Variants in NFS1 observed in about 807,000 individuals in gnomAD.
NFS1 encodes the protein NFS1 cysteine desulfurase.
NFS1 carries 26 observed loss-of-function variants against 57.3 expected under a neutral mutation model. The ratio of observed to expected loss-of-function variants is 0.45; its 90% CI spans 0.33 to 0.63. The LOEUF (loss-of-function observed/expected upper bound fraction) is 0.63, where lower values mean the gene tolerates loss of function less well. Among genes scored for constraint, NFS1 ranks in the 20% least tolerant of loss-of-function variants. NFS1 has a pLI of 0.02. For synonymous variants in NFS1, 209 were observed against 216.3 expected, an observed-to-expected ratio of 0.97 and a Z score of 0.30; for missense variants, 505 against 605.8, an observed-to-expected ratio of 0.83 and a Z score of 1.75.
At position 35,699,309 on chromosome 20, in the gene NFS1, C is replaced by G; in HGVS notation, c.-21G>C. ...AGCATGGTCCCGCTGGCAGAGCCCA[C>G]CTTCCGAAGCCGCTGCAGTCCTGGG... On this transcript the variant is annotated 5_prime_UTR_variant, in exon 1 of 13. Coordinates refer to ENST00000374092, the MANE Select transcript of NFS1 (RefSeq NM_021100.5). This position sits in a 1 kb window ranked among gnomAD's most constrained non-coding sequence, Gnocchi z 4.4. 1 of 1,396,926 alleles carries G rather than the reference C, an allele frequency of 7.2e-7. No individual in the cohort carries two copies. Among genetic ancestry groups the G allele is most frequent in the South Asian group, 1.5e-5 (1 of 64,578 alleles). 86.5% of individuals were successfully genotyped at this position (1,396,926 alleles called of 1,614,324 possible). A position where few individuals can be genotyped will look rare whatever the true frequency, so the allele number is the denominator to read the frequency against.
chr20:35,674,625 G>T lies in NFS1; in HGVS notation c.949-8C>A. On this transcript the variant is annotated splice_polypyrimidine_tract_variant and splice_region_variant and intron_variant, in intron 8 of 12. Transcript: ENST00000374092. ...GATTCGCTTGTGGTCATACTAAGGAGCAGGCAAGGAAGGATTAGGCAGTAA... is the reference window on the plus strand; with the variant it reads ...GATTCGCTTGTGGTCATACTAAGGATCAGGCAAGGAAGGATTAGGCAGTAA... 1 of 1,608,328 alleles carries T rather than the reference G, an allele frequency of 6.2e-7. No homozygotes were observed. Among genetic ancestry groups the T allele is most frequent in the Non-Finnish European group, 8.5e-7 (1 of 1,174,688 alleles).
intron 10 of NFS1, chr20:35,674,017 G>A (rs1047626409): frequency 4.4e-6 from 2 of 451,326 alleles, no homozygotes; most frequent in African/African-American, 2.0e-5. Context: ...ATCTGCACCA[G>A]CCTGAAGGGC....
chr20:35,698,587 C>G lies in NFS1; in HGVS notation c.101G>C (p.Gly34Ala). ...APTRGLRLRV[G>A]DRAPQSAVPA... ...AACCGCAGACTGAGGAGCACGGTCTCCAACTGATAAAAAATGGAACGGAGT... is the reference window on the plus strand; with the variant it reads ...AACCGCAGACTGAGGAGCACGGTCTGCAACTGATAAAAAATGGAACGGAGT... Residue 34 changes from glycine (G) to alanine (A), a missense_variant, in exon 2 of 13, where the codon GGA becomes GCA. Transcript: ENST00000374092. The G allele has an allele frequency of 6.3e-7, 1 of 1,598,172 alleles. No individual in the cohort carries two copies. The highest frequency in any genetic ancestry group is 8.5e-7 in the Non-Finnish European group (1 of 1,175,500).
chr20:35,697,936 C>G, intron 2 of NFS1, 136 bp from the exon 3 acceptor site: 1 of 585,444 alleles, frequency 1.7e-6, no homozygotes, highest in South Asian at 2.3e-5. Context: ...CTCAAACATT[C>G]TTTTGTTCCC....
At chr20:35,692,361 G>T in intron 4 of NFS1, 1 of 210,710 alleles carries the variant, frequency 4.7e-6, no homozygotes, top group Non-Finnish European at 9.7e-6. Flanking sequence ...GCGACAGGGT[G>T]AGACTCCATC....
Position 35,696,394 on chromosome 20 carries a change from T to C in NFS1, c.391A>G (p.Asn131Asp). ...TCTCTTACCTTAATTGCTATGTTGT[T>C]GGATTCAGTAGCACCACTAGTAAAA... ...IIFTSGATES[N>D]NIAIKGVARF... The change falls in exon 4 of 13, where the codon AAC becomes GAC. Residue 131 changes from asparagine (N) to aspartate (D), a missense_variant. Asn to Asp is a conservative substitution (Grantham distance 23). Transcript: ENST00000374092. 5 of 1,613,464 alleles carry C rather than the reference T, an allele frequency of 3.1e-6. No homozygotes were observed. Among genetic ancestry groups the C allele is most frequent in the Non-Finnish European group, 4.2e-6 (5 of 1,179,386 alleles).
At chr20:35,678,524 G>A (rs1267221177) in intron 7 of NFS1, among the ~76,000 whole-genome samples, 3 of 124,908 alleles carry the variant, frequency 2.4e-5, no homozygotes, top group African/African-American at 9.2e-5. Flanking sequence ...GCGAGACTTT[G>A]TCTCAAAAAA....
At chr20:35,689,555 T>A (rs1057288566) in intron 5 of NFS1, among the ~76,000 whole-genome samples, 2 of 151,556 alleles carry the variant, frequency 1.3e-5, no homozygotes, top group African/African-American at 2.4e-5. Flanking sequence ...GATCACGAGG[T>A]CAGGAGATAG....
intron 4 of NFS1, among the ~76,000 whole-genome samples, chr20:35,691,738 C>CAAAAAAAAAA (rs60402350): frequency 1.1e-4 from 2 of 18,150 alleles, no homozygotes; most frequent in African/African-American, 2.8e-4. Flanking sequence ...GACTGCATCT[C>CAAAAAAAAAA]AAAAAAAAAA....
At chr20:35,675,445 T>C (rs1043875354) in intron 7 of NFS1, 1 of 560,686 alleles carries the variant, frequency 1.8e-6, no homozygotes, top group African/African-American at 1.9e-5. Flanking sequence ...TAGCTCCCTA[T>C]GCTATATGAA....
chr20:35,678,720 G>A (rs561939979), intron 7 of NFS1, among the ~76,000 whole-genome samples: 2 of 151,498 alleles, frequency 1.3e-5, no homozygotes, highest in African/African-American at 2.4e-5. Flanking sequence ...AAAATTAGGC[G>A]TGTTGGTGCA....
rs188602136 is a variant in NFS1 at position 35,682,129 on chromosome 20, G to A, written c.562-148C>T. ...AAAACAGTGACAACACAAAATGTTG[G>A]TGAGGATGCACAGACTCTGAATGGT... On this transcript the variant is annotated intron_variant, in intron 5 of 12. Coordinates refer to ENST00000374092, the MANE Select transcript of NFS1 (RefSeq NM_021100.5). The A allele has an allele frequency of 1.7e-4, 87 of 513,522 alleles. 2 individuals are homozygous for A. Among genetic ancestry groups the A allele is most frequent in the Middle Eastern group, 1.6e-3 (3 of 1,880 alleles). 31.8% of individuals were successfully genotyped at this position (513,522 alleles called of 1,614,324 possible). A position where few individuals can be genotyped will look rare whatever the true frequency, so the allele number is the denominator to read the frequency against.
intron 4 of NFS1, among the ~76,000 whole-genome samples, chr20:35,692,018 A>G (rs2035050001): frequency 6.6e-6 from 1 of 151,774 alleles, no homozygotes; most frequent in African/African-American, 2.4e-5. Context: ...CTCCGTCTCT[A>G]CTAAAAAAAA....
chr20:35,673,971 G>A, intron 10 of NFS1: 1 of 447,634 alleles, frequency 2.2e-6, no homozygotes, highest in Non-Finnish European at 4.1e-6. Flanking sequence ...ACGCAGCAGA[G>A]GACCATGTGC....
intron 4 of NFS1, among the ~76,000 whole-genome samples, chr20:35,691,341 G>A (rs1026469850): frequency 1.3e-5 from 2 of 151,396 alleles, no homozygotes; most frequent in Non-Finnish European, 2.9e-5. Context: ...CAAGTCATGA[G>A]TAGGTATTAC....
Position 35,690,503 on chromosome 20 carries a change from T to C in NFS1, c.471A>G (p.Lys157=). The C allele has an allele frequency of 6.2e-7, 1 of 1,614,010 alleles. No individual in the cohort carries two copies. The highest frequency in any genetic ancestry group is 2.2e-5 in the East Asian group (1 of 44,860). Residue 157 remains lysine, a synonymous_variant, in exon 5 of 13, where the codon AAA becomes AAG. Transcript: ENST00000374092. ...GTGAACGGCAGGAGTCCAAGACACA[T>C]TTGTGTTCTGTCTGGGTGGTGATCA... is the stretch of plus-strand genomic sequence containing the variant. ...KHLITTQTEH[K]CVLDSCRSLE... is the part of the protein sequence containing the mutation.
rs2035181353 is a variant in NFS1, at chr20:35,698,523, C to T, written c.165G>A (p.Val55=). 1 of 1,613,824 alleles carries T rather than the reference C, an allele frequency of 6.2e-7. No individual in the cohort carries two copies. The highest frequency in any genetic ancestry group is 1.1e-5 in the South Asian group (1 of 91,066). The change falls in exon 2 of 13, where the codon GTG becomes GTA. Residue 55 remains valine (V), a synonymous_variant. Coordinates refer to ENST00000374092, the MANE Select transcript of NFS1 (RefSeq NM_021100.5). ...DTAAAPEVGP[V]LRPLYMDVQA... ...GCACATCCATATAGAGAGGTCGCAG[C>T]ACTGGCCCCACCTCCGGGGCAGCGG...
chr20:35,672,894 G>A, intron 11 of NFS1, 50 bp from the exon 12 acceptor site: 1 of 1,096,506 alleles, frequency 9.1e-7, no homozygotes, highest in Non-Finnish European at 1.4e-6. Context: ...CTGGCACTGG[G>A]ATAAATTCAT....
rs759570684 is a variant in NFS1, at chr20:35,674,641, T to G, written c.949-24A>C. The G allele has an allele frequency of 9.5e-6, 15 of 1,577,400 alleles. No homozygotes were observed. The South Asian group carries it at 1.7e-4, about 17-fold the overall frequency. Reference sequence around the variant, plus strand: ...TACTAAGGAGCAGGCAAGGAAGGATTAGGCAGTAACCATTAACCAGCTCAG... The same window carrying G: ...TACTAAGGAGCAGGCAAGGAAGGATGAGGCAGTAACCATTAACCAGCTCAG... On this transcript the variant is annotated intron_variant, in intron 8 of 12. Transcript: ENST00000374092.
Sources: gnomAD v4.1 joint callset for allele counts (sites outside exome capture counted in the v4.1 genomes callset) on GRCh38, gnomAD v4.1.1 for gene constraint, Gnocchi (gnomAD v3.1) non-coding constraint, MANE v1.5 for transcripts, NCBI Gene and HGNC (gene_info 2026-07-23, HGNC 2026-07-21) for gene names.